PDS5A: variants seen among roughly 807,000 people sequenced by gnomAD.
PDS5A encodes the protein PDS5 cohesin associated factor A.
Under a neutral mutation model 167.1 loss-of-function variants are expected in PDS5A, and 42 were observed. That is an observed-to-expected ratio of 0.25 (90% CI 0.20 to 0.33). PDS5A has a LOEUF of 0.33. PDS5A is among the 10% of genes least tolerant of loss of function. The probability of loss-of-function intolerance (pLI) is 1.00; values close to 1 mark genes in which losing one functional copy is unlikely to be tolerated. For missense variants in PDS5A, 1,033 were observed against 1,605.9 expected, an observed-to-expected ratio of 0.64 and a Z score of 6.10; for synonymous variants, 553 against 554.6, an observed-to-expected ratio of 1.00 and a Z score of 0.04.
intron 2 of PDS5A, among the ~76,000 whole-genome samples, chr4:39,945,812 T>C (rs141206147): frequency 8.5e-5 from 13 of 152,314 alleles, no homozygotes; most frequent in East Asian, 3.9e-4. Flanking sequence ...GTTTGCCTTA[T>C]GCTTAAAATG....
chr4:39,918,301 AAT>A (rs1491293712), intron 7 of PDS5A, among the ~76,000 whole-genome samples: 11 of 152,072 alleles, frequency 7.2e-5, no homozygotes, highest in Non-Finnish European at 1.3e-4. Flanking sequence ...GAGAAAGTCA[AAT>A]ATGTTTTGAC....
At chr4:39,872,782 T>C (rs1720161385) in intron 21 of PDS5A, 1 of 352,636 alleles carries the variant, frequency 2.8e-6, no homozygotes, top group Non-Finnish European at 5.0e-6. Flanking sequence ...CTAATTTTTG[T>C]TTCTTAAGTG....
chr4:39,949,129 C>CA (rs1406744190), intron 2 of PDS5A, among the ~76,000 whole-genome samples: 4 of 143,188 alleles, frequency 2.8e-5, no homozygotes, highest in Non-Finnish European at 6.1e-5. Context: ...CCTGTCTCTA[C>CA]AAAAAACACC....
intron 3 of PDS5A, among the ~76,000 whole-genome samples, chr4:39,927,397 A>G (rs1725567975): frequency 6.6e-6 from 1 of 152,210 alleles, no homozygotes; most frequent in South Asian, 2.1e-4. Context: ...AACTCACAGT[A>G]GTATCAATAT....
chr4:39,954,843 G>A (rs1208859237), intron 2 of PDS5A, among the ~76,000 whole-genome samples: 9 of 151,936 alleles, frequency 5.9e-5, no homozygotes. Flanking sequence ...CCAGGAGTTT[G>A]AGACCTGGGC....
rs1724468442 is a variant in PDS5A at position 39,917,166 on chromosome 4, A to C, written c.758T>G (p.Leu253Arg). The part of the protein sequence containing the change: ...IANFFNQVLV[L>R]GRSSVSDLSE... ...CAAATCACTTACTGATGATCTTCCC[A>C]GCACCAGGACTTGATTGAAAAACTG... Residue 253 changes from leucine (L) to arginine (R), a missense_variant, in exon 8 of 33, where the codon CTG becomes CGG. Coordinates refer to ENST00000303538, the MANE Select transcript of PDS5A (RefSeq NM_001100399.2). 1 of 1,560,908 alleles carries C rather than the reference A, an allele frequency of 6.4e-7. No individual in the cohort carries two copies. Among genetic ancestry groups the C allele is most frequent in the Non-Finnish European group, 8.6e-7 (1 of 1,160,650 alleles).
Position 39,873,148 on chromosome 4 carries a change from TA to T in PDS5A, c.2278-5del. The T allele has an allele frequency of 1.4e-6, 2 of 1,464,544 alleles. No homozygotes were observed. Among genetic ancestry groups the T allele is most frequent in the South Asian group, 1.5e-5 (1 of 65,724 alleles). The allele number at this position is 1,464,544 out of a possible 1,614,324, so 90.7% of individuals were successfully genotyped here. A position where few individuals can be genotyped will look rare whatever the true frequency, so the allele number is the denominator to read the frequency against. On this transcript the variant is annotated splice_polypyrimidine_tract_variant and splice_region_variant and intron_variant, in intron 20 of 32. Coordinates refer to ENST00000303538, the MANE Select transcript of PDS5A (RefSeq NM_001100399.2). ...CATTCAGACTCCTACTGAGTGGCTA[TA>T]AAAATAAAACAGACAAAATTACCAA...
intron 3 of PDS5A, 59 bp from the exon 4 acceptor site, chr4:39,926,920 A>C (rs1725528000): frequency 2.4e-6 from 3 of 1,272,058 alleles, no homozygotes; most frequent in Non-Finnish European, 3.1e-6. Context: ...ACAACACACT[A>C]ATAGTATGTA....
At position 39,867,017 on chromosome 4, in the gene PDS5A, T is replaced by TA; in HGVS notation, c.2506-21dup. The TA allele has an allele frequency of 4.5e-6, 7 of 1,557,418 alleles. No homozygotes were observed. Among genetic ancestry groups the TA allele is most frequent in the Non-Finnish European group, 5.2e-6 (6 of 1,151,688 alleles). ...CTGTACCTATAAAATATTAACATGC[T>TA]AAAAAAAGAAAGCAACTTAAAATTC... On this transcript the variant is annotated intron_variant, in intron 22 of 32. Transcript: ENST00000303538.
chr4:39,926,699 C>T lies in PDS5A; in HGVS notation c.429+76G>A, dbSNP rs1725500762. On this transcript the variant is annotated intron_variant, in intron 4 of 32. Coordinates refer to ENST00000303538, the MANE Select transcript of PDS5A (RefSeq NM_001100399.2). ...TTGAATAAAATAAACACTCATTTTA[C>T]ATTACAAAGTTAACATGAAGAATTT... is the stretch of plus-strand genomic sequence containing the variant. The T allele has an allele frequency of 6.3e-5, 63 of 1,005,984 alleles. No homozygotes were observed. In the South Asian group the frequency reaches 1.2e-3, roughly 19 times the overall value. The allele number at this position is 1,005,984 out of a possible 1,614,324, so 62.3% of individuals were successfully genotyped here.
At chr4:39,879,659 CAT>C (rs1293345312) in intron 18 of PDS5A, 67 bp downstream of exon 18, 1 of 840,182 alleles carries the variant, frequency 1.2e-6, no homozygotes, top group African/African-American at 1.7e-5. Flanking sequence ...CTGACTCTTG[CAT>C]ATCCTGAAGG....
At chr4:39,893,398 T>G (rs1420213553) in intron 16 of PDS5A, among the ~76,000 whole-genome samples, 1 of 152,164 alleles carries the variant, frequency 6.6e-6, no homozygotes, top group Non-Finnish European at 1.5e-5. Flanking sequence ...TTTTCAGAAA[T>G]GGAACTTGGA....
intron 1 of PDS5A, 52 bp from the exon 2 acceptor site, chr4:39,976,669 CT>C: frequency 2.2e-6 from 2 of 926,976 alleles, no homozygotes; most frequent in South Asian, 3.5e-5. Context: ...TTTGTAACCT[CT>C]TTTTTCATTT....
Position 39,977,158 on chromosome 4 carries a change from T to G in PDS5A, c.-41+299A>C, listed in dbSNP as rs116898090. Among the ~76,000 whole-genome samples, 607 of 149,782 alleles carry G rather than the reference T, an allele frequency of 4.1e-3. 39 individuals carry two copies. In the East Asian group the frequency reaches 0.11, roughly 26 times the overall value. On this transcript the variant is annotated intron_variant, in intron 1 of 32. Transcript: ENST00000303538. The surrounding 1 kb of genome is among the most constrained non-coding windows in gnomAD (Gnocchi z 4.2). The stretch of plus-strand genomic sequence containing the variant: ...CCCCGCCGCGCTGCCACCCCTCCCC[T>G]GTTCCGCTCCCTCACCCCCGCGGGA...
At chr4:39,827,615 C>T (rs1432311613) in intron 32 of PDS5A, among the ~76,000 whole-genome samples, 1 of 152,142 alleles carries the variant, frequency 6.6e-6, no homozygotes, top group African/African-American at 2.4e-5. Flanking sequence ...GATACGAACC[C>T]ACATGATGGG....
intron 16 of PDS5A, among the ~76,000 whole-genome samples, chr4:39,896,916 T>A (rs77155653): frequency 1.3e-5 from 2 of 151,740 alleles, no homozygotes; most frequent in Non-Finnish European, 2.9e-5. Flanking sequence ...TTTTTTTTTT[T>A]AATGCTTTAA....
intron 7 of PDS5A, 78 bp from the exon 8 acceptor site, chr4:39,917,266 T>C (rs1724476866): frequency 1.1e-6 from 1 of 952,362 alleles, no homozygotes; most frequent in Non-Finnish European, 1.5e-6. Context: ...AAACATTTTT[T>C]ATAAATAATT....
At position 39,899,736 on chromosome 4, in the gene PDS5A, C is replaced by T. The variant is rs559870109; in HGVS notation, c.1581+690G>A. On this transcript the variant is annotated intron_variant, in intron 14 of 32. Transcript: ENST00000303538. ...TGGTGGAGCACACCCGTAGTCCCAG[C>T]TATTCAGAAGGCTGAGGTGGGAGGA... Among the ~76,000 whole-genome samples the T allele has an allele frequency of 9.9e-5, 15 of 151,266 alleles. No homozygotes were observed. In the South Asian group the frequency reaches 3.1e-3, roughly 32 times the overall value.
intron 1 of PDS5A, among the ~76,000 whole-genome samples, 181 bp from the exon 2 acceptor site, chr4:39,976,798 G>A (rs1399584964): frequency 6.6e-6 from 1 of 152,088 alleles, no homozygotes; most frequent in Non-Finnish European, 1.5e-5. Context: ...ACCCGGCCCT[G>A]CCAGCCCCAG....
Sources: allele counts gnomAD v4.1 joint callset (sites outside exome capture counted in the v4.1 genomes callset), GRCh38; gene constraint gnomAD v4.1.1; non-coding constraint Gnocchi (gnomAD v3.1); transcripts MANE v1.5; gene names NCBI Gene and HGNC (gene_info 2026-07-23, HGNC 2026-07-21).